The following MALRD1 variants were observed in gnomAD, a reference collection of about 807,000 sequenced individuals.
MALRD1 encodes the protein MAM and LDL-receptor class A domain-containing protein 1.
Under a neutral mutation model 242.1 loss-of-function variants are expected in MALRD1, and 247 were observed. The ratio of observed to expected loss-of-function variants is 1.02; its 90% confidence interval spans 0.92 to 1.13. MALRD1 has a LOEUF of 1.13. MALRD1 is among the 50% of genes most tolerant of loss of function. The pLI is 0.00. For missense variants in MALRD1, 2,989 were observed against 2,533.1 expected, an observed-to-expected ratio of 1.18 and a Z score of -3.86; for synonymous variants, 995 against 866.6, an observed-to-expected ratio of 1.15 and a Z score of -2.60.
rs534349720 is a variant in MALRD1 at position 19,578,830 on chromosome 10, A to G, written c.5680+11127A>G. On this transcript the variant is annotated intron_variant, in intron 33 of 39. Transcript: ENST00000454679. ...TAATGTAACTCATGTTATGCTGGTG[A>G]CATGTGCGCCCTGTCGGTTTCCATA... is the stretch of plus-strand genomic sequence containing the variant. Among the ~76,000 whole-genome samples, 330 of 152,006 alleles carry G rather than the reference A, an allele frequency of 2.2e-3. 4 individuals are homozygous for G. Among genetic ancestry groups the G allele is most frequent in the African/African-American group, 7.4e-3 (307 of 41,468 alleles).
intron 24 of MALRD1, among the ~76,000 whole-genome samples, chr10:19,336,946 A>T (rs1325592681): frequency 1.3e-5 from 2 of 152,086 alleles, no homozygotes; most frequent in Non-Finnish European, 2.9e-5. Flanking sequence ...GCAATTTTTG[A>T]GACACCTAGT....
intron 29 of MALRD1, among the ~76,000 whole-genome samples, chr10:19,474,078 A>T (rs1252079816): frequency 2.6e-5 from 4 of 151,394 alleles, no homozygotes; most frequent in Non-Finnish European, 5.9e-5. Context: ...TTCCCTAATG[A>T]TTAATGATGT....
chr10:19,292,897 A>AAAC (rs1455084060), intron 21 of MALRD1, among the ~76,000 whole-genome samples: 1 of 150,734 alleles, frequency 6.6e-6, no homozygotes, highest in African/African-American at 2.4e-5. Flanking sequence ...TGCCTCAAAA[A>AAAC]AAAAAAAAAA....
chr10:19,110,814 A>G (rs961187752), intron 5 of MALRD1, among the ~76,000 whole-genome samples: 3 of 152,132 alleles, frequency 2.0e-5, no homozygotes, highest in African/African-American at 7.2e-5. Flanking sequence ...TCTGGCAAAG[A>G]AAATGATCCC....
chr10:19,415,348 TA>T (rs558344977), intron 28 of MALRD1, among the ~76,000 whole-genome samples: 3 of 152,300 alleles, frequency 2.0e-5, no homozygotes, highest in Non-Finnish European at 4.4e-5. Context: ...TTCCTAAAAA[TA>T]GTTAATGATA....
intron 5 of MALRD1, among the ~76,000 whole-genome samples, chr10:19,113,392 G>A (rs1323625487): frequency 6.6e-6 from 1 of 151,930 alleles, no homozygotes; most frequent in Non-Finnish European, 1.5e-5. Context: ...TGGGTATTAT[G>A]CAAACCTCTT....
At chr10:19,361,521 G>A (rs889318537) in intron 26 of MALRD1, among the ~76,000 whole-genome samples, 4 of 152,120 alleles carry the variant, frequency 2.6e-5, no homozygotes, top group East Asian at 1.9e-4. Flanking sequence ...TAGCAGCTAA[G>A]CCTACATCTT....
In MALRD1 at chr10:19,103,547, G is replaced by A. The variant is rs534961706; in HGVS notation, c.598-432G>A. On this transcript the variant is annotated intron_variant, in intron 4 of 39. Transcript: ENST00000454679. ...GGCCTGGGTGAAAAAGCGAGACTCC[G>A]TCTCAAAAAAAAAAAAAATAAATAA... is the stretch of plus-strand genomic sequence containing the variant. 2.0e-3 allele frequency among the ~76,000 whole-genome samples: 94 copies of A among 47,944 alleles called. 3 individuals are homozygous for A. Among genetic ancestry groups the A allele is most frequent in the East Asian group, 0.011 (31 of 2,732 alleles). 31.5% of individuals were successfully genotyped at this position (47,944 alleles called of 152,430 possible).
intron 32 of MALRD1, among the ~76,000 whole-genome samples, chr10:19,565,271 G>C (rs1467426532): frequency 6.6e-6 from 1 of 152,066 alleles, no homozygotes; most frequent in Non-Finnish European, 1.5e-5. Context: ...AAATGAATTT[G>C]ACAAGAGCAT....
intron 14 of MALRD1, among the ~76,000 whole-genome samples, chr10:19,193,569 A>G (rs975142825): frequency 2.0e-5 from 3 of 152,194 alleles, no homozygotes; most frequent in African/African-American, 7.2e-5. Context: ...AACAAAGAAA[A>G]GAAAAATGGA....
chr10:19,128,513 T>A, intron 8 of MALRD1, 126 bp downstream of exon 8: 1 of 559,722 alleles, frequency 1.8e-6, no homozygotes, highest in Non-Finnish European at 2.7e-6. Flanking sequence ...TTACTTGGTA[T>A]ACTTTTAAAA....
intron 36 of MALRD1, among the ~76,000 whole-genome samples, chr10:19,676,259 T>G (rs1190816655): frequency 6.6e-6 from 1 of 152,138 alleles, no homozygotes; most frequent in African/African-American, 2.4e-5. Context: ...TCAGGCAACT[T>G]ATACCACGTG....
chr10:19,238,630 C>T (rs1838609285), intron 18 of MALRD1, among the ~76,000 whole-genome samples: 1 of 101,802 alleles, frequency 9.8e-6, no homozygotes, highest in Non-Finnish European at 2.2e-5. Context: ...CAGGTTGATT[C>T]CATATCTGAT....
chr10:19,490,670 CAAATT>C (rs1837450809), intron 29 of MALRD1, among the ~76,000 whole-genome samples: 1 of 152,096 alleles, frequency 6.6e-6, no homozygotes, highest in African/African-American at 2.4e-5. Context: ...ACTGTGATAT[CAAATT>C]AAATTCAGAT....
At chr10:19,216,943 C>T (rs1388577359) in intron 18 of MALRD1, among the ~76,000 whole-genome samples, 7 of 117,634 alleles carry the variant, frequency 6.0e-5, no homozygotes, top group African/African-American at 2.2e-4. Context: ...GAGACTCCGT[C>T]TCAAAAAAAA....
intron 33 of MALRD1, among the ~76,000 whole-genome samples, chr10:19,569,371 A>G (rs1456827928): frequency 6.6e-6 from 1 of 151,838 alleles, no homozygotes; most frequent in African/African-American, 2.4e-5. Flanking sequence ...TGTCCTTTGA[A>G]TAGAATAAAG....
At chr10:19,405,884 G>A (rs190207097) in intron 28 of MALRD1, among the ~76,000 whole-genome samples, 164 of 151,524 alleles carry the variant, frequency 1.1e-3, no homozygotes, top group African/African-American at 3.7e-3. Flanking sequence ...TTGCTGGAGC[G>A]ATGAAGACCG....
intron 21 of MALRD1, among the ~76,000 whole-genome samples, chr10:19,321,337 T>C (rs569783333): frequency 6.6e-6 from 1 of 152,300 alleles, no homozygotes; most frequent in East Asian, 1.9e-4. Context: ...AATTCACACA[T>C]GCAGTGTTGT....
chr10:19,452,077 A>G (rs1487844338), intron 29 of MALRD1, among the ~76,000 whole-genome samples: 1 of 152,194 alleles, frequency 6.6e-6, no homozygotes, highest in Non-Finnish European at 1.5e-5. Context: ...AAATTCTATT[A>G]TGGTTAGTAA....
Sources: allele counts gnomAD v4.1 joint callset (sites outside exome capture counted in the v4.1 genomes callset), GRCh38; gene constraint gnomAD v4.1.1; transcripts MANE v1.5; gene names NCBI Gene and HGNC (gene_info 2026-07-23, HGNC 2026-07-21).